Variants in EFCAB6 observed in about 807,000 individuals in gnomAD.
EFCAB6 encodes the protein EF-hand calcium-binding domain-containing protein 6.
A neutral mutation model predicts 169.8 loss-of-function variants in EFCAB6; 156 were observed. The ratio of observed to expected loss-of-function variants is 0.92; its 90% CI spans 0.81 to 1.05. EFCAB6 has a LOEUF of 1.05. Among genes scored for constraint, EFCAB6 ranks in the 50% least tolerant of loss-of-function variants. EFCAB6 has a pLI of 0.00. For missense variants in EFCAB6, 1,800 were observed against 1,829.1 expected (o/e 0.98, Z 0.29); for synonymous variants, 698 against 676.4 (o/e 1.03, Z -0.50).
rs2063157402 is a variant in EFCAB6, at chr22:43,812,216, C to G, written c.-193G>C. The G allele has an allele frequency of 6.6e-6, 1 of 152,260 alleles. No individual in the cohort carries two copies. The highest frequency in any genetic ancestry group is 2.1e-4 in the South Asian group (1 of 4,834). The allele number at this position is 152,260 out of a possible 1,614,324, so 9.4% of individuals were successfully genotyped here. A position where few individuals can be genotyped will look rare whatever the true frequency, so the allele number is the denominator to read the frequency against. ...GCCTAGCTGGGCCGGCACCCGCGTG[C>G]GCGGACCCCAAGCCGCGGGGTCTCA... is the stretch of plus-strand genomic sequence containing the variant. On this transcript the variant is annotated 5_prime_UTR_variant, in exon 1 of 32. Transcript: ENST00000262726.
intron 31 of EFCAB6, among the ~76,000 whole-genome samples, chr22:43,529,372 C>T (rs1303791383): frequency 6.6e-6 from 1 of 152,176 alleles, no homozygotes; most frequent in Non-Finnish European, 1.5e-5. Flanking sequence ...CCAGTGGGTG[C>T]TGAGTGCAGA....
At chr22:43,625,693 G>T (rs1015732590) in intron 20 of EFCAB6, among the ~76,000 whole-genome samples, 5 of 152,266 alleles carry the variant, frequency 3.3e-5, no homozygotes, top group Admixed American at 2.0e-4. Flanking sequence ...GCTGGAGGAG[G>T]TTCTTGCATC....
intron 12 of EFCAB6, among the ~76,000 whole-genome samples, chr22:43,678,369 G>C (rs1029878212): frequency 1.4e-5 from 2 of 147,258 alleles, no homozygotes; most frequent in Non-Finnish European, 3.0e-5. Flanking sequence ...GTGTGTGTAG[G>C]CTGAATGCTA....
intron 10 of EFCAB6, among the ~76,000 whole-genome samples, chr22:43,697,370 A>C (rs1033178681): frequency 6.6e-6 from 1 of 152,254 alleles, no homozygotes; most frequent in Non-Finnish European, 1.5e-5. Context: ...AATGTAATCT[A>C]TACCTCATAT....
intron 3 of EFCAB6, among the ~76,000 whole-genome samples, chr22:43,777,566 G>A (rs995585419): frequency 1.3e-5 from 2 of 152,134 alleles, no homozygotes; most frequent in Non-Finnish European, 2.9e-5. Flanking sequence ...CAGCAGCTGC[G>A]TGCTTCAGTA....
In EFCAB6 at chr22:43,626,446, C is replaced by G; in HGVS notation, c.2465+1G>C. The G allele has an allele frequency of 1.2e-6, 2 of 1,613,962 alleles. No homozygotes were observed. Among genetic ancestry groups the G allele is most frequent in the Non-Finnish European group, 1.7e-6 (2 of 1,179,906 alleles). Reference sequence around the variant, plus strand: ...GACACAGACCCGTGCTGCCTTCTTACCTAATGAGTCTTTGAGGCGCTTCAT... The same window carrying G: ...GACACAGACCCGTGCTGCCTTCTTAGCTAATGAGTCTTTGAGGCGCTTCAT... On this transcript the variant is annotated splice_donor_variant, in intron 20 of 31. Transcript: ENST00000262726. LOFTEE classifies it high-confidence loss of function.
At position 43,632,169 on chromosome 22, in the gene EFCAB6, C is replaced by T; in HGVS notation, c.2168G>A (p.Ser723Asn). The T allele has an allele frequency of 6.2e-7, 1 of 1,614,166 alleles. No individual in the cohort carries two copies. The highest frequency in any genetic ancestry group is 8.5e-7 in the Non-Finnish European group (1 of 1,180,016). The change falls in exon 19 of 32, where the codon AGC becomes AAC. Residue 723 changes from serine (S) to asparagine (N), a missense_variant. Coordinates refer to ENST00000262726, the MANE Select transcript of EFCAB6 (RefSeq NM_022785.4). ...GCATTCTTCTGCGGTGATAAAGTGG[C>T]TGTTCACGTAACTTTTTGAAGGAGT... ...PPTPSKSYVN[S>N]HFITAEECLK...
intron 2 of EFCAB6, among the ~76,000 whole-genome samples, chr22:43,794,823 T>C (rs1285276501): frequency 6.6e-6 from 1 of 152,218 alleles, no homozygotes; most frequent in Non-Finnish European, 1.5e-5. Context: ...ACCCCTAGTC[T>C]ATTGTTCTAA....
intron 13 of EFCAB6, among the ~76,000 whole-genome samples, chr22:43,676,155 A>C (rs549255566): frequency 1.3e-5 from 2 of 152,100 alleles, no homozygotes; most frequent in East Asian, 1.9e-4. Flanking sequence ...CGGTGGCTCA[A>C]GCCTGTAATC....
At position 43,528,858 on chromosome 22, in the gene EFCAB6, G is replaced by T; in HGVS notation, c.4501C>A (p.Gln1501Lys). 1 of 1,607,180 alleles carries T rather than the reference G, an allele frequency of 6.2e-7. No individual in the cohort carries two copies. Among genetic ancestry groups the T allele is most frequent in the Non-Finnish European group, 8.5e-7 (1 of 1,174,314 alleles). ...SYNDFLRAFL[Q>K] ...TGGGCACACAGCAGGGGTGTCTACTGGAGGAATGCCCGGAGGAAGTCGTTG... is the reference window on the plus strand; with the variant it reads ...TGGGCACACAGCAGGGGTGTCTACTTGAGGAATGCCCGGAGGAAGTCGTTG... Residue 1501 changes from glutamine to lysine, a missense_variant, in exon 32 of 32, where the codon CAG (glutamine) becomes AAG (lysine). By Grantham distance (53) the Gln-to-Lys change is moderately conservative. Coordinates refer to ENST00000262726, the MANE Select transcript of EFCAB6 (RefSeq NM_022785.4).
At position 43,600,242 on chromosome 22, in the gene EFCAB6, C is replaced by T. The variant is rs2052396574; in HGVS notation, c.2703G>A (p.Gly901=). 2 of 1,613,976 alleles carry T rather than the reference C, an allele frequency of 1.2e-6. No individual in the cohort carries two copies. The highest frequency in any genetic ancestry group is 4.5e-5 in the East Asian group (2 of 44,886). ...LWARYDTEGK[G]HITYQEFLQK... ...GTAAAAATTCCTGGTAAGTAATGTG[C>T]CCTTTTCCCTCGGTGTCGTATCTTA... The change falls in exon 23 of 32, where the codon GGG becomes GGA. Residue 901 remains glycine, a synonymous_variant. Coordinates refer to ENST00000262726, the MANE Select transcript of EFCAB6 (RefSeq NM_022785.4).
intron 5 of EFCAB6, among the ~76,000 whole-genome samples, chr22:43,762,065 C>T (rs1421946857): frequency 1.3e-5 from 2 of 152,074 alleles, no homozygotes; most frequent in Non-Finnish European, 2.9e-5. Context: ...AAGGGCACAC[C>T]CCGTCCAGGA....
chr22:43,634,092 T>A (rs1198334219), intron 18 of EFCAB6, among the ~76,000 whole-genome samples: 1 of 152,272 alleles, frequency 6.6e-6, no homozygotes, highest in East Asian at 1.9e-4. Context: ...CAGTTCCAGC[T>A]GTGACGGCCT....
chr22:43,668,751 G>T, intron 16 of EFCAB6, 121 bp downstream of exon 16: 4 of 908,884 alleles, frequency 4.4e-6, no homozygotes, highest in Non-Finnish European at 6.0e-6. Flanking sequence ...TTTCTAGTGT[G>T]CCATCTTTCT....
In EFCAB6 at chr22:43,579,645, T is replaced by C. The variant is rs189353462; in HGVS notation, c.3228+819A>G. On this transcript the variant is annotated intron_variant, in intron 25 of 31. Coordinates refer to ENST00000262726, the MANE Select transcript of EFCAB6 (RefSeq NM_022785.4). ...CTACATGCAAGCATCATTCCATACATATAGGCATCATTCCGTACACGTAGG... is the reference window on the plus strand; with the variant it reads ...CTACATGCAAGCATCATTCCATACACATAGGCATCATTCCGTACACGTAGG... Among the ~76,000 whole-genome samples the C allele has an allele frequency of 3.8e-4, 48 of 125,860 alleles. No individual in the cohort carries two copies. The Middle Eastern group carries it at 0.021, about 55-fold the overall frequency. The allele number at this position is 125,860 out of a possible 152,430, so 82.6% of individuals were successfully genotyped here.
At chr22:43,581,415 C>T (rs967616103) in intron 24 of EFCAB6, among the ~76,000 whole-genome samples, 1 of 152,076 alleles carries the variant, frequency 6.6e-6, no homozygotes, top group African/African-American at 2.4e-5. Flanking sequence ...CAAGGACATC[C>T]CTATGGAAGC....
At chr22:43,623,932 G>A (rs1015204191) in intron 20 of EFCAB6, among the ~76,000 whole-genome samples, 2 of 146,460 alleles carry the variant, frequency 1.4e-5, no homozygotes, top group South Asian at 2.3e-4. Context: ...AGAAAAAAAA[G>A]AAAAAAGAAA....
intron 26 of EFCAB6, among the ~76,000 whole-genome samples, chr22:43,564,893 T>C (rs1407700967): frequency 6.6e-6 from 1 of 152,200 alleles, no homozygotes; most frequent in Non-Finnish European, 1.5e-5. Context: ...GGTGGTAGAC[T>C]TGTCAACTAA....
At chr22:43,684,906 T>A (rs2058133211) in intron 11 of EFCAB6, among the ~76,000 whole-genome samples, 1 of 152,144 alleles carries the variant, frequency 6.6e-6, no homozygotes, top group Non-Finnish European at 1.5e-5. Flanking sequence ...GCCCACTAGA[T>A]CAGTGCAGGT....
Sources: gnomAD v4.1 joint callset for allele counts (sites outside exome capture counted in the v4.1 genomes callset) on GRCh38, gnomAD v4.1.1 for gene constraint, MANE v1.5 for transcripts, NCBI Gene and HGNC (gene_info 2026-07-23, HGNC 2026-07-21) for gene names.